PPP2R1B: variants seen among roughly 807,000 people sequenced by gnomAD.
PPP2R1B encodes the protein protein phosphatase 2 scaffold subunit Abeta, also known as serine/threonine-protein phosphatase 2A 65 kDa regulatory subunit A beta isoform.
Under a neutral mutation model 72.7 loss-of-function variants are expected in PPP2R1B, and 58 were observed. The ratio of observed to expected loss-of-function variants is 0.80; its 90% confidence interval spans 0.65 to 0.99. The LOEUF (loss-of-function observed/expected upper bound fraction) is 0.99. PPP2R1B is among the 50% of genes least tolerant of loss of function. The pLI, the probability that PPP2R1B is intolerant of heterozygous loss-of-function variation, is 0.00. For synonymous variants in PPP2R1B, 256 were observed against 264.6 expected (o/e 0.97, Z 0.32); for missense variants, 695 against 733.6 (o/e 0.95, Z 0.61).
chr11:111,707,439 A>G, the PPP2R1B span, among the ~76,000 whole-genome samples: 1 of 152,216 alleles, frequency 6.6e-6, no homozygotes, highest in Non-Finnish European at 1.5e-5. Flanking sequence ...TAAATTACCA[A>G]GCACTCTGTG....
intron 12 of PPP2R1B, 22 bp from the exon 13 acceptor site, chr11:111,742,687 C>T: frequency 1.3e-6 from 2 of 1,572,566 alleles, no homozygotes; most frequent in Non-Finnish European, 1.7e-6. Flanking sequence ...AGTAAGATGG[C>T]ACATTTAAAA....
At chr11:111,693,757 CT>C in the PPP2R1B span, among the ~76,000 whole-genome samples, 1 of 152,156 alleles carries the variant, frequency 6.6e-6, no homozygotes, top group Non-Finnish European at 1.5e-5. Flanking sequence ...ATTATTTACA[CT>C]TTCTAGGCCT....
intron 8 of PPP2R1B, 55 bp downstream of exon 8, chr11:111,754,444 G>T: frequency 1.3e-6 from 2 of 1,564,710 alleles, no homozygotes; most frequent in South Asian, 1.2e-5. Context: ...AAAATAATGA[G>T]ATTAAGGTTT....
intron 5 of PPP2R1B, among the ~76,000 whole-genome samples, chr11:111,757,092 T>C (rs1158453905): frequency 6.9e-6 from 1 of 145,874 alleles, no homozygotes; most frequent in Non-Finnish European, 1.5e-5. Flanking sequence ...CCAGCCTGGG[T>C]GACAGAGCAA....
At chr11:111,716,255 T>G in the PPP2R1B span, among the ~76,000 whole-genome samples, 7 of 152,314 alleles carry the variant, frequency 4.6e-5, no homozygotes, top group African/African-American at 1.4e-4. Flanking sequence ...ATAACTTTTT[T>G]TATGACAAAG....
intron 13 of PPP2R1B, 54 bp from the exon 14 acceptor site, chr11:111,742,198 C>CT (rs1446591214): frequency 7.2e-7 from 1 of 1,379,430 alleles, no homozygotes; most frequent in African/African-American, 1.4e-5. Flanking sequence ...CATAGAAATC[C>CT]TTTTTGGTGT....
chr11:111,720,803 G>A, the PPP2R1B span: 1 of 1,571,770 alleles, frequency 6.4e-7, no homozygotes, highest in Non-Finnish European at 8.6e-7. Flanking sequence ...TCGCGTCGTA[G>A]GAGAGCAGTT....
the PPP2R1B span, among the ~76,000 whole-genome samples, chr11:111,704,394 A>C: frequency 6.6e-6 from 1 of 152,196 alleles, no homozygotes; most frequent in Non-Finnish European, 1.5e-5. Context: ...AGATGTGAAC[A>C]TTTGGGAAGC....
chr11:111,712,376 G>C, the PPP2R1B span: 1 of 1,612,680 alleles, frequency 6.2e-7, no homozygotes, highest in Non-Finnish European at 8.5e-7. Flanking sequence ...CACTCCAAAG[G>C]TACGGCTATG....
the PPP2R1B span, chr11:111,700,852 T>C: frequency 6.2e-6 from 10 of 1,611,286 alleles, no homozygotes; most frequent in South Asian, 3.3e-5. Flanking sequence ...TTTGAGAGCA[T>C]AGATGAAAAT....
In PPP2R1B at chr11:111,765,295, TG is replaced by T; in HGVS notation, c.203del (p.Thr68LysfsTer12). On this transcript the variant is annotated frameshift_variant and splice_region_variant, in exon 2 of 15. Transcript: ENST00000527614. LOFTEE classifies it high-confidence loss of function. ...RTRSELLPFLTDTIYDEDEVL... is the reference protein window; with the variant it reads ...RTRSELLPFLXDTIYDEDEVL... The stretch of plus-strand genomic sequence containing the variant: ...TTCTTTAAACAAAGATTCACATACC[TG>T]TAAGAAATGGCAACAATTCACTTCG... 1 of 1,607,168 alleles carries T rather than the reference TG, an allele frequency of 6.2e-7. No homozygotes were observed. The highest frequency in any genetic ancestry group is 8.5e-7 in the Non-Finnish European group (1 of 1,174,004).
chr11:111,721,686 A>T, the PPP2R1B span: 1 of 572,286 alleles, frequency 1.7e-6, no homozygotes, highest in African/African-American at 1.9e-5. Flanking sequence ...CCCTCAGCCT[A>T]CTGGCTCTGT....
At chr11:111,751,992 G>A (rs997372634) in intron 10 of PPP2R1B, among the ~76,000 whole-genome samples, 167 bp downstream of exon 10, 4 of 151,996 alleles carry the variant, frequency 2.6e-5, no homozygotes, top group African/African-American at 4.8e-5. Context: ...GAAAAGAAAC[G>A]TATGCACTAA....
chr11:111,700,296 G>A, the PPP2R1B span, among the ~76,000 whole-genome samples: 1 of 152,204 alleles, frequency 6.6e-6, no homozygotes, highest in Non-Finnish European at 1.5e-5. Context: ...TAGGTGGCTT[G>A]TGGCTGGGCT....
At chr11:111,732,313 G>T (rs1944218649) in intron 15 of PPP2R1B, among the ~76,000 whole-genome samples, 1 of 152,200 alleles carries the variant, frequency 6.6e-6, no homozygotes, top group Non-Finnish European at 1.5e-5. Context: ...AGAATTTCAG[G>T]ACAGGAGTTG....
chr11:111,766,313 C>G lies in PPP2R1B; in HGVS notation c.49G>C (p.Asp17His). The change falls in exon 1 of 15, where the codon GAT becomes CAT. Residue 17 changes from aspartate (D) to histidine (H), a missense_variant. Physicochemically the swap from Asp to His is moderately conservative, Grantham distance 81 (BLOSUM62 -1). Transcript: ENST00000527614. ...ATCGGGTATAGCGAATCATCTCCAT[C>G]TCCACCCGCTGCTCCTGGGCCGGTC... ...LGTGPGAAGG[D>H]GDDSLYPIAV... 6.4e-7 allele frequency: 1 copy of G among 1,570,520 alleles called. No homozygotes were observed. Among genetic ancestry groups the G allele is most frequent in the Non-Finnish European group, 8.6e-7 (1 of 1,161,678 alleles).
chr11:111,741,528 G>C lies in PPP2R1B; in HGVS notation c.*68C>G. The C allele has an allele frequency of 6.3e-7, 1 of 1,598,710 alleles. No homozygotes were observed. Among genetic ancestry groups the C allele is most frequent in the Non-Finnish European group, 8.5e-7 (1 of 1,175,214 alleles). ...AGGTTTTCCATTCTTTCTCCACCCA[G>C]TTAAGAACACATTGACTAGAAATTT... is the stretch of plus-strand genomic sequence containing the variant. On this transcript the variant is annotated 3_prime_UTR_variant, in exon 15 of 15. Transcript: ENST00000527614.
chr11:111,719,822 G>A, the PPP2R1B span: 2 of 1,614,160 alleles, frequency 1.2e-6, no homozygotes. Flanking sequence ...TGGTGCGGAA[G>A]GGATGCCAGT....
chr11:111,720,366 T>G, the PPP2R1B span: 1 of 1,138,608 alleles, frequency 8.8e-7, no homozygotes, highest in Non-Finnish European at 1.2e-6. Context: ...ATGTTTTGAT[T>G]GGAAATTAAG....
Sources: allele counts gnomAD v4.1 joint callset (sites outside exome capture counted in the v4.1 genomes callset), GRCh38; gene constraint gnomAD v4.1.1; transcripts MANE v1.5; gene names NCBI Gene and HGNC (gene_info 2026-07-23, HGNC 2026-07-21).